Variants in DMD observed in about 807,000 individuals in gnomAD.
DMD encodes the protein mutant dystrophin.
A neutral mutation model predicts 330.1 loss-of-function variants in DMD; 63 were observed. The observed-to-expected ratio is 0.19, with a 90% confidence interval of 0.16 to 0.24. DMD has a LOEUF of 0.24. Among genes scored for constraint, DMD ranks in the 10% least tolerant of loss-of-function variants. DMD has a pLI of 1.00. For synonymous variants in DMD, 1,223 were observed against 959.8 expected, an observed-to-expected ratio of 1.27 and a Z score of -5.07; for missense variants, 3,344 against 2,684.1, an observed-to-expected ratio of 1.25 and a Z score of -5.43.
chrX:32,503,119 G>A (rs962185382), intron 18 of DMD, among the ~76,000 whole-genome samples: 5 of 112,321 alleles, frequency 4.5e-5, no homozygotes, highest in South Asian at 3.7e-4. Context: ...TTAAGAGATA[G>A]GCCTGTAATC....
intron 2 of DMD, among the ~76,000 whole-genome samples, chrX:32,922,452 A>T (rs2146585192): frequency 8.9e-6 from 1 of 112,101 alleles, no homozygotes; most frequent in Admixed American, 9.4e-5. Flanking sequence ...AGTGGTCCCC[A>T]ACCTTTTTAG....
intron 52 of DMD, among the ~76,000 whole-genome samples, chrX:31,716,236 G>A (rs2085035798): frequency 8.9e-6 from 1 of 112,105 alleles, no homozygotes; most frequent in Non-Finnish European, 1.9e-5. Flanking sequence ...TTTCCTACTC[G>A]AATGGTGTTT....
At chrX:32,317,162 G>T (rs2097585354) in intron 41 of DMD, among the ~76,000 whole-genome samples, 1 of 110,892 alleles carries the variant, frequency 9.0e-6, no homozygotes, top group African/African-American at 3.3e-5. Context: ...TCATTAGCAA[G>T]GAAATGCTAT....
chrX:31,712,619 A>G (rs1319030425), intron 52 of DMD, among the ~76,000 whole-genome samples: 2 of 111,751 alleles, frequency 1.8e-5, no homozygotes, highest in African/African-American at 6.5e-5. Context: ...AACTGACTAC[A>G]TTACCTTCAT....
At chrX:31,336,165 G>A (rs2057394541) in intron 61 of DMD, among the ~76,000 whole-genome samples, 1 of 112,583 alleles carries the variant, frequency 8.9e-6, no homozygotes, top group South Asian at 3.7e-4. Flanking sequence ...TAATTCCTCA[G>A]GCATAGGTCA....
At chrX:31,973,539 T>A (rs1289378979) in intron 44 of DMD, among the ~76,000 whole-genome samples, 1 of 110,553 alleles carries the variant, frequency 9.0e-6, no homozygotes, top group Admixed American at 9.6e-5. Flanking sequence ...ATCCTCCTCT[T>A]CTCCCCACTG....
chrX:32,096,391 C>T (rs2148047998), intron 44 of DMD, among the ~76,000 whole-genome samples: 1 of 111,257 alleles, frequency 9.0e-6, no homozygotes, highest in Non-Finnish European at 1.9e-5. Context: ...TCAGTGATTT[C>T]CTAATAGTTT....
At chrX:32,103,235 AT>A (rs1406844716) in intron 44 of DMD, among the ~76,000 whole-genome samples, 6 of 112,211 alleles carry the variant, frequency 5.3e-5, no homozygotes, top group Admixed American at 9.5e-5. Flanking sequence ...TAAATGAAAA[AT>A]AATCATACGC....
At chrX:32,489,346 C>T (rs569944908) in intron 20 of DMD, among the ~76,000 whole-genome samples, 5 of 88,726 alleles carry the variant, frequency 5.6e-5, no homozygotes, top group Non-Finnish European at 6.6e-5. Flanking sequence ...GTAAGGGTGG[C>T]GGGGTGGGGG....
chrX:32,411,595 C>T (rs917259620), intron 30 of DMD, among the ~76,000 whole-genome samples, 157 bp downstream of exon 30: 3 of 111,546 alleles, frequency 2.7e-5, no homozygotes, highest in Non-Finnish European at 5.6e-5. Context: ...ATGATCTAGA[C>T]CCCCTTTTCT....
chrX:32,387,738 G>C (rs889681875), intron 32 of DMD, among the ~76,000 whole-genome samples: 1 of 110,837 alleles, frequency 9.0e-6, no homozygotes, highest in Non-Finnish European at 1.9e-5. Context: ...AAAAATATCT[G>C]TGTATCTGGA....
chrX:32,846,287 A>G (rs1277610450), intron 3 of DMD, among the ~76,000 whole-genome samples: 4 of 111,756 alleles, frequency 3.6e-5, no homozygotes, highest in East Asian at 5.6e-4. Flanking sequence ...CCAGGACCCA[A>G]ACTTTTGTCT....
chrX:32,603,632 C>A (rs773159680), intron 12 of DMD, among the ~76,000 whole-genome samples: 1 of 110,398 alleles, frequency 9.1e-6, no homozygotes, highest in South Asian at 3.7e-4. Context: ...AAGAAAAAAA[C>A]AGAAGAATCA....
rs1318041099 is a variant in DMD, at chrX:31,507,549, T to A, written c.8218-96A>T. On this transcript the variant is annotated intron_variant, in intron 55 of 78. Coordinates refer to ENST00000357033, the MANE Select transcript of DMD (RefSeq NM_004006.3). ...TGGAGAATTGCAAAATATAAATAAT[T>A]ATTAGTTCAAAAGACATTTCAATCA... 3.5e-6 allele frequency: 3 copies of A among 865,976 alleles called. No individual in the cohort carries two copies. In the African/African-American group the frequency reaches 6.0e-5, roughly 17 times the overall value. 71.4% of individuals were successfully genotyped at this position (865,976 alleles called of 1,213,427 possible). A position where few individuals can be genotyped will look rare whatever the true frequency, so the allele number is the denominator to read the frequency against.
At chrX:32,634,271 C>A (rs2058938070) in intron 11 of DMD, among the ~76,000 whole-genome samples, 1 of 111,909 alleles carries the variant, frequency 8.9e-6, no homozygotes, top group Non-Finnish European at 1.9e-5. Flanking sequence ...AAAATGGAAT[C>A]CAGGAGCCAA....
At chrX:31,604,241 T>C (rs1603420826) in intron 55 of DMD, among the ~76,000 whole-genome samples, 1 of 112,427 alleles carries the variant, frequency 8.9e-6, no homozygotes, top group Non-Finnish European at 1.9e-5. Flanking sequence ...ATCAACATTA[T>C]TGAAACATAG....
chrX:33,301,672 G>A (rs1434913016), intron 1 of DMD, among the ~76,000 whole-genome samples: 10 of 111,592 alleles, frequency 9.0e-5, no homozygotes, highest in East Asian at 8.5e-4. Context: ...TGCCTTGAAC[G>A]TTGCATCCTC....
At chrX:31,710,710 G>T (rs932570812) in intron 52 of DMD, among the ~76,000 whole-genome samples, 1 of 111,230 alleles carries the variant, frequency 9.0e-6, no homozygotes. Context: ...CCAGTGCCTT[G>T]TGAGTTTGTG....
intron 9 of DMD, among the ~76,000 whole-genome samples, chrX:32,682,935 G>T (rs915510386): frequency 1.8e-5 from 2 of 111,621 alleles, no homozygotes; most frequent in Admixed American, 9.6e-5. Context: ...GTTTCATCAG[G>T]CTGGGTTTCC....
Sources: allele counts gnomAD v4.1 joint callset (sites outside exome capture counted in the v4.1 genomes callset), GRCh38; gene constraint gnomAD v4.1.1; transcripts MANE v1.5; gene names NCBI Gene and HGNC (gene_info 2026-07-23, HGNC 2026-07-21).